METTL9: variants seen among roughly 807,000 people sequenced by gnomAD.
The protein encoded by METTL9 is protein-L-histidine N-pros-methyltransferase.
In METTL9, 10 loss-of-function variants were observed where a neutral mutation model predicts 36.0. That is an observed-to-expected ratio of 0.28 (90% CI 0.17 to 0.47). The LOEUF (loss-of-function observed/expected upper bound fraction) is 0.47, where lower values mean the gene tolerates loss of function less well. Ranked by LOEUF, METTL9 falls within the 20% of genes least tolerant of loss-of-function variation. The pLI is 0.99. For missense variants in METTL9, 246 were observed against 383.5 expected (o/e 0.64, Z 3.00); for synonymous variants, 175 against 149.7 (o/e 1.17, Z -1.23).
intron 4 of METTL9, among the ~76,000 whole-genome samples, chr16:21,635,539 T>A (rs1355526744): frequency 2.0e-5 from 3 of 152,208 alleles, no homozygotes; most frequent in Non-Finnish European, 4.4e-5. Flanking sequence ...TCACTCCATT[T>A]GCCTTCCTTC....
At chr16:21,642,147 C>T (rs368484313) in intron 4 of METTL9, 1 of 152,044 alleles carries the variant, frequency 6.6e-6, no homozygotes, top group Non-Finnish European at 1.5e-5. Flanking sequence ...GTTCGTGAAG[C>T]GTTCCATATT....
At chr16:21,600,169 G>T (rs1465832555) in intron 1 of METTL9, among the ~76,000 whole-genome samples, 2 of 152,076 alleles carry the variant, frequency 1.3e-5, no homozygotes, top group African/African-American at 4.8e-5. Flanking sequence ...CCGGAGCCCC[G>T]CATTGTTCCT....
At chr16:21,647,171 GCT>G (rs1210452278) in intron 4 of METTL9, 3 of 1,614,114 alleles carry the variant, frequency 1.9e-6, no homozygotes, top group Non-Finnish European at 2.5e-6. Context: ...TGTCTGTTTA[GCT>G]CTCGCTTCCG....
At chr16:21,651,409 C>T (rs1463423055) in intron 4 of METTL9, among the ~76,000 whole-genome samples, 1 of 152,120 alleles carries the variant, frequency 6.6e-6, no homozygotes, top group African/African-American at 2.4e-5. Flanking sequence ...ATCCTCCTGC[C>T]TCAGCCTCCC....
intron 1 of METTL9, among the ~76,000 whole-genome samples, chr16:21,608,121 C>G (rs534951875): frequency 6.6e-6 from 1 of 151,972 alleles, no homozygotes; most frequent in East Asian, 1.9e-4. Context: ...TGCACTCCAT[C>G]CTGGGCGACA....
At chr16:21,609,104 G>C (rs953493165) in intron 1 of METTL9, among the ~76,000 whole-genome samples, 1 of 152,152 alleles carries the variant, frequency 6.6e-6, no homozygotes, top group East Asian at 1.9e-4. Flanking sequence ...TTCATTGCTT[G>C]CTTCCTTGCT....
rs943853813 is a variant in METTL9 at position 21,615,690 on chromosome 16, T to C, written c.357-2175T>C. On this transcript the variant is annotated intron_variant, in intron 2 of 4. Coordinates refer to ENST00000358154, the MANE Select transcript of METTL9 (RefSeq NM_016025.5). The stretch of plus-strand genomic sequence containing the variant: ...GGAAAATTTAAGCAAAATAACTATT[T>C]TGTGACTTACTTTTGGTCCTGTGGC... Among the ~76,000 whole-genome samples, 7 of 152,190 alleles carry C rather than the reference T, an allele frequency of 4.6e-5. No homozygotes were observed. In the East Asian group the frequency reaches 1.3e-3, roughly 29 times the overall value.
upstream of METTL9, chr16:21,599,457 C>A (rs1179311070): frequency 1.7e-6 from 2 of 1,154,240 alleles, no homozygotes; most frequent in East Asian, 9.4e-5. This position sits in a 1 kb window ranked among gnomAD's most constrained non-coding sequence, Gnocchi z 4.4. Context: ...AGGGAGGGCG[C>A]CGGGGGAGAA....
At chr16:21,609,145 A>G (rs1018010232) in intron 1 of METTL9, among the ~76,000 whole-genome samples, 1 of 152,118 alleles carries the variant, frequency 6.6e-6, no homozygotes, top group Middle Eastern at 3.2e-3. Context: ...GTGAGTGGGT[A>G]GCTGTAACCA....
At chr16:21,629,473 T>C (rs1395792571) in intron 4 of METTL9, among the ~76,000 whole-genome samples, 1 of 152,140 alleles carries the variant, frequency 6.6e-6, no homozygotes, top group African/African-American at 2.4e-5. Context: ...TGTCTGGAAT[T>C]GGTGGGTTCT....
upstream of METTL9, among the ~76,000 whole-genome samples, chr16:21,599,277 C>T (rs932747364): frequency 2.6e-5 from 4 of 152,152 alleles, no homozygotes; most frequent in African/African-American, 9.7e-5. This position sits in a 1 kb window ranked among gnomAD's most constrained non-coding sequence, Gnocchi z 4.4. Flanking sequence ...CTTGGAGGGG[C>T]AGGGAGGCTG....
chr16:21,620,741 T>C (rs894287188), intron 3 of METTL9, among the ~76,000 whole-genome samples: 103 of 152,296 alleles, frequency 6.8e-4, no homozygotes, highest in African/African-American at 2.5e-3. Context: ...ATAATATTAG[T>C]ATGAAGTGAA....
At chr16:21,603,669 C>G (rs1277424162) in intron 1 of METTL9, among the ~76,000 whole-genome samples, 1 of 151,980 alleles carries the variant, frequency 6.6e-6, no homozygotes, top group Non-Finnish European at 1.5e-5. Context: ...TTGAAAGGAC[C>G]CTTAGGCCCC....
intron 1 of METTL9, among the ~76,000 whole-genome samples, chr16:21,604,889 C>G (rs567578465): frequency 6.6e-6 from 1 of 152,264 alleles, no homozygotes; most frequent in African/African-American, 2.4e-5. Flanking sequence ...ATGCCTAGAC[C>G]TACAGTTTGG....
At position 21,630,875 on chromosome 16, in the gene METTL9, A is replaced by G. The variant is rs117937383; in HGVS notation, c.751+5760A>G. The stretch of plus-strand genomic sequence containing the variant: ...TTGCCCAACTCCAGAGGTTGGTACA[A>G]GAGTTTGAAAGGTGGTGTCTGATTT... On this transcript the variant is annotated intron_variant, in intron 4 of 4. Coordinates refer to ENST00000358154, the MANE Select transcript of METTL9 (RefSeq NM_016025.5). Among the ~76,000 whole-genome samples, 108 of 152,318 alleles carry G rather than the reference A, an allele frequency of 7.1e-4. No individual in the cohort carries two copies. In the East Asian group the frequency reaches 7.9e-3, roughly 11 times the overall value.
intron 4 of METTL9, among the ~76,000 whole-genome samples, chr16:21,635,732 G>A (rs1597772959): frequency 6.6e-6 from 1 of 152,106 alleles, no homozygotes; most frequent in Non-Finnish European, 1.5e-5. Flanking sequence ...TCAAGGGTGA[G>A]CCTGTTGATG....
At chr16:21,623,693 C>T (rs536580154) in intron 3 of METTL9, among the ~76,000 whole-genome samples, 4 of 152,092 alleles carry the variant, frequency 2.6e-5, no homozygotes, top group Admixed American at 6.6e-5. Context: ...GATTGAGGAT[C>T]GAGAGTGGTT....
chr16:21,647,406 T>G (rs756831346), intron 4 of METTL9: 1 of 1,614,006 alleles, frequency 6.2e-7, no homozygotes, highest in South Asian at 1.1e-5. Flanking sequence ...GCGGAGAAGG[T>G]ACACTTTATG....
intron 3 of METTL9, among the ~76,000 whole-genome samples, chr16:21,621,400 A>G (rs975892615): frequency 1.3e-5 from 2 of 151,678 alleles, no homozygotes; most frequent in African/African-American, 4.8e-5. Flanking sequence ...ATCTCAGCTC[A>G]CTGCAACCTC....
Sources: gnomAD v4.1 joint callset for allele counts (sites outside exome capture counted in the v4.1 genomes callset) on GRCh38, gnomAD v4.1.1 for gene constraint, Gnocchi (gnomAD v3.1) non-coding constraint, MANE v1.5 for transcripts, NCBI Gene and HGNC (gene_info 2026-07-23, HGNC 2026-07-21) for gene names.